The following PKHD1L1 variants were observed in gnomAD, a reference collection of about 807,000 sequenced individuals.
PKHD1L1 encodes fibrocystin-L.
A neutral mutation model predicts 462.9 loss-of-function variants in PKHD1L1; 434 were observed. The observed-to-expected ratio is 0.94, with a 90% CI of 0.87 to 1.02. PKHD1L1 has a LOEUF of 1.02. PKHD1L1 is among the 50% of genes least tolerant of loss of function. The pLI is 0.00. For synonymous variants in PKHD1L1, 1,781 were observed against 1,750.0 expected, an observed-to-expected ratio of 1.02 and a Z score of -0.44; for missense variants, 5,202 against 5,096.1, an observed-to-expected ratio of 1.02 and a Z score of -0.63.
intron 50 of PKHD1L1, among the ~76,000 whole-genome samples, chr8:109,473,872 T>C (rs376439416): frequency 2.0e-4 from 31 of 152,208 alleles, no homozygotes; most frequent in African/African-American, 7.5e-4. Flanking sequence ...AGGAGGCTCT[T>C]CTCTTTGTGA....
In PKHD1L1 at chr8:109,429,913, C is replaced by T. The variant is rs1267945600; in HGVS notation, c.3124-19C>T. Reference sequence around the variant, plus strand: ...CCTCTTTGCCCATGTTCTGTAGCTTCTTGTTTCTTTACTTGAAGGTTGAAG... The same window carrying T: ...CCTCTTTGCCCATGTTCTGTAGCTTTTTGTTTCTTTACTTGAAGGTTGAAG... On this transcript the variant is annotated intron_variant, in intron 26 of 77. Transcript: ENST00000378402. The T allele has an allele frequency of 6.4e-7, 1 of 1,556,992 alleles. No individual in the cohort carries two copies. The highest frequency in any genetic ancestry group is 1.1e-5 in the South Asian group (1 of 89,062).
intron 46 of PKHD1L1, 117 bp from the exon 47 acceptor site, chr8:109,459,478 C>T (rs1368545842): frequency 4.4e-5 from 31 of 711,156 alleles, no homozygotes; most frequent in Non-Finnish European, 5.5e-5. Context: ...TATTATATGA[C>T]ATAAGAATAG....
At chr8:109,387,720 T>C (rs1586408156) in intron 6 of PKHD1L1, among the ~76,000 whole-genome samples, 1 of 152,222 alleles carries the variant, frequency 6.6e-6, no homozygotes, top group Non-Finnish European at 1.5e-5. Flanking sequence ...AAGGGACTTA[T>C]GTGTAAAAGT....
At chr8:109,405,364 A>G (rs1813481216) in intron 16 of PKHD1L1, among the ~76,000 whole-genome samples, 1 of 152,206 alleles carries the variant, frequency 6.6e-6, no homozygotes, top group African/African-American at 2.4e-5. Flanking sequence ...TGATAAATAT[A>G]TATCTAAATG....
At chr8:109,444,621 T>C (rs774666118) in intron 37 of PKHD1L1, 40 bp from the exon 38 acceptor site, 1 of 1,548,492 alleles carries the variant, frequency 6.5e-7, no homozygotes, top group Non-Finnish European at 8.8e-7. Flanking sequence ...ACTGGAGGTA[T>C]GTATTGACTT....
At chr8:109,400,522 C>A (rs375208831) in intron 13 of PKHD1L1, among the ~76,000 whole-genome samples, 178 bp downstream of exon 13, 59 of 152,036 alleles carry the variant, frequency 3.9e-4, no homozygotes, top group African/African-American at 1.4e-3. Flanking sequence ...GATAGAAAAC[C>A]TATAGCCTAC....
At chr8:109,430,116 C>T in intron 27 of PKHD1L1, 79 bp downstream of exon 27, 1 of 904,548 alleles carries the variant, frequency 1.1e-6, no homozygotes, top group Non-Finnish European at 1.7e-6. Flanking sequence ...ACTTTTAAAA[C>T]TATGTTTCTA....
intron 71 of PKHD1L1, among the ~76,000 whole-genome samples, chr8:109,512,809 T>C (rs1331074027): frequency 1.3e-5 from 2 of 151,292 alleles, no homozygotes; most frequent in Admixed American, 1.3e-4. Flanking sequence ...TTCATGATAT[T>C]GATTCTTCCT....
chr8:109,433,322 C>T (rs2130704847), intron 28 of PKHD1L1, 106 bp downstream of exon 28: 4 of 984,790 alleles, frequency 4.1e-6, no homozygotes, highest in Middle Eastern at 2.5e-4. Context: ...TATCATGATC[C>T]AGTATTACAA....
intron 14 of PKHD1L1, among the ~76,000 whole-genome samples, chr8:109,404,274 A>C (rs936289753): frequency 1.4e-4 from 21 of 152,182 alleles, no homozygotes; most frequent in Non-Finnish European, 2.6e-4. Flanking sequence ...TGAGTATAAG[A>C]AATAGTATTG....
At chr8:109,453,904 C>T (rs1816676294) in intron 43 of PKHD1L1, among the ~76,000 whole-genome samples, 1 of 152,096 alleles carries the variant, frequency 6.6e-6, no homozygotes, top group Admixed American at 6.6e-5. Context: ...AAGCTACTTT[C>T]CCAATGTTCA....
rs1820852417 is a variant in PKHD1L1, at chr8:109,527,015, C to A, written c.12716C>A (p.Thr4239Asn). The A allele has an allele frequency of 6.2e-7, 1 of 1,601,610 alleles. No homozygotes were observed. The highest frequency in any genetic ancestry group is 8.6e-7 in the Non-Finnish European group (1 of 1,169,564). Reference protein sequence around the residue: ...FMAAVSTLNITLRSY With the variant: ...FMAAVSTLNINLRSY Reference sequence around the variant, plus strand: ...GCTGCAGTTTCAACTTTGAATATAACTTTAAGTAAGTACAGTCCATTAATA... The same window carrying A: ...GCTGCAGTTTCAACTTTGAATATAAATTTAAGTAAGTACAGTCCATTAATA... The change falls in exon 77 of 78, where the codon ACT becomes AAT. Residue 4239 changes from threonine to asparagine, a missense_variant. Thr to Asn is a moderately conservative substitution (Grantham distance 65). This residue lies in a region of PKHD1L1 where 698 missense variants were observed against 736.3 expected (regional missense o/e 0.95). Coordinates refer to ENST00000378402, the MANE Select transcript of PKHD1L1 (RefSeq NM_177531.6).
chr8:109,457,965 C>G (rs1816913468), intron 46 of PKHD1L1, among the ~76,000 whole-genome samples: 1 of 152,044 alleles, frequency 6.6e-6, no homozygotes, highest in Admixed American at 6.6e-5. Context: ...CCTTGCCCCT[C>G]CCCCACAATT....
At chr8:109,444,117 C>CT (rs1399969258) in intron 37 of PKHD1L1, among the ~76,000 whole-genome samples, 95 of 124,480 alleles carry the variant, frequency 7.6e-4, no homozygotes, top group African/African-American at 3.0e-3. Context: ...TCATTACCTC[C>CT]CCCCCCCAAA....
chr8:109,409,959 A>T lies in PKHD1L1; in HGVS notation c.2066A>T (p.Tyr689Phe). 1 of 1,575,194 alleles carries T rather than the reference A, an allele frequency of 6.3e-7. No individual in the cohort carries two copies. Among genetic ancestry groups the T allele is most frequent in the Non-Finnish European group, 8.6e-7 (1 of 1,156,332 alleles). Residue 689 changes from tyrosine to phenylalanine, a missense_variant, in exon 19 of 78, where the codon TAT becomes TTT. By Grantham distance (22) the Tyr-to-Phe change is conservative. Coordinates refer to ENST00000378402, the MANE Select transcript of PKHD1L1 (RefSeq NM_177531.6). ...EGFVVKYFRD[Y>F]ETDFNLEHIN... Reference sequence around the variant, plus strand: ...TTTGTTGTGAAATATTTCAGAGACTATGAAACTGATTTTAATCTGGTATGA... The same window carrying T: ...TTTGTTGTGAAATATTTCAGAGACTTTGAAACTGATTTTAATCTGGTATGA...
At chr8:109,450,530 G>C (rs1253157803) in intron 40 of PKHD1L1, among the ~76,000 whole-genome samples, 1 of 152,114 alleles carries the variant, frequency 6.6e-6, no homozygotes, top group East Asian at 1.9e-4. Flanking sequence ...TAGGTTGTTT[G>C]TCTTAACACT....
intron 23 of PKHD1L1, among the ~76,000 whole-genome samples, chr8:109,422,058 A>T (rs1444349323): frequency 4.6e-5 from 7 of 152,234 alleles, no homozygotes; most frequent in South Asian, 2.1e-4. Flanking sequence ...CTTTGACATA[A>T]TTGTAGATTC....
At position 109,396,091 on chromosome 8, in the gene PKHD1L1, G is replaced by C. The variant is rs774978714; in HGVS notation, c.876G>C (p.Gly292=). The C allele has an allele frequency of 4.4e-6, 7 of 1,609,134 alleles. No individual in the cohort carries two copies. In the South Asian group the frequency reaches 7.8e-5, roughly 18 times the overall value. ...GTGGCACCACGCTGACAATAAGTGG[G>C]CGTTTCTTTGATCAGACAGATTTCC... ...IRGGTTLTIS[G]RFFDQTDFPV... Residue 292 remains glycine (G), a synonymous_variant, in exon 11 of 78, where the codon GGG becomes GGC. Transcript: ENST00000378402.
intron 19 of PKHD1L1, among the ~76,000 whole-genome samples, chr8:109,411,212 AT>A (rs1471540449): frequency 6.6e-6 from 1 of 152,058 alleles, no homozygotes; most frequent in Admixed American, 6.6e-5. Context: ...TTAATGAGAT[AT>A]TTTCTTTAAT....
Sources: gnomAD v4.1 joint callset for allele counts (sites outside exome capture counted in the v4.1 genomes callset) on GRCh38, gnomAD v4.1.1 for gene constraint, gnomAD v4.1.1 regional missense constraint, MANE v1.5 for transcripts, NCBI Gene and HGNC (gene_info 2026-07-23, HGNC 2026-07-21) for gene names.